Variants in PPP6R1 observed in about 807,000 individuals in gnomAD.
The protein encoded by PPP6R1 is serine/threonine-protein phosphatase 6 regulatory subunit 1.
In PPP6R1, 39 loss-of-function variants were observed where a neutral mutation model predicts 104.6. The observed-to-expected ratio is 0.37, with a 90% CI of 0.29 to 0.49. PPP6R1 has a LOEUF of 0.49. Ranked by LOEUF, PPP6R1 falls within the 20% of genes least tolerant of loss-of-function variation. The pLI, the probability that PPP6R1 is intolerant of heterozygous loss-of-function variation, is 0.98. For synonymous variants in PPP6R1, 549 were observed against 479.0 expected (o/e 1.15, Z -1.91); for missense variants, 1,181 against 1,155.8 (o/e 1.02, Z -0.32).
At chr19:55,230,983 T>C in intron 21 of PPP6R1, 99 bp from the exon 22 acceptor site, 1 of 1,038,914 alleles carries the variant, frequency 9.6e-7, no homozygotes, top group Non-Finnish European at 1.4e-6. Flanking sequence ...ACTGGGTGTG[T>C]GTCTGCCACC....
chr19:55,234,025 C>T (rs1000460725), intron 17 of PPP6R1, among the ~76,000 whole-genome samples: 1 of 152,224 alleles, frequency 6.6e-6, no homozygotes, highest in Non-Finnish European at 1.5e-5. Context: ...TCTCAGCTCA[C>T]TGCAACCTCT....
At chr19:55,246,165 C>T (rs574526381) in intron 2 of PPP6R1, among the ~76,000 whole-genome samples, 1 of 152,316 alleles carries the variant, frequency 6.6e-6, no homozygotes, top group Non-Finnish European at 1.5e-5. Flanking sequence ...CAGTCTGCTC[C>T]AGGACTGTGG....
Position 55,239,996 on chromosome 19 carries a change from C to T in PPP6R1, c.1477+3G>A, listed in dbSNP as rs2087436526. 6.2e-7 allele frequency: 1 copy of T among 1,605,200 alleles called. No individual in the cohort carries two copies. The highest frequency in any genetic ancestry group is 1.7e-5 in the Admixed American group (1 of 58,814). ...GCCCTCAGGCCGGCCTGGGGACCCT[C>T]ACCCTTCAGCAGCTGCCGCAGCTGC... On this transcript the variant is annotated splice_donor_region_variant and intron_variant, in intron 12 of 23. Coordinates refer to ENST00000412770, the MANE Select transcript of PPP6R1 (RefSeq NM_014931.4).
At chr19:55,255,498 A>C (rs2087586009) in intron 1 of PPP6R1, among the ~76,000 whole-genome samples, 8 of 151,966 alleles carry the variant, frequency 5.3e-5, no homozygotes, top group Admixed American at 5.2e-4. Flanking sequence ...GAAATACCTC[A>C]CAGATGGGGT....
In PPP6R1 at chr19:55,247,083, C is replaced by A. The variant is rs751887892; in HGVS notation, c.21G>T (p.Leu7=). ...GCGTGTCCAGGTGCGAGCTTGTGTG[C>A]AGGTCAAACTTCCAAAACATGGCGC... MFWKFD[L]HTSSHLDTLL... Residue 7 remains leucine (L), a synonymous_variant, in exon 2 of 24, where the codon CTG becomes CTT. Coordinates refer to ENST00000412770, the MANE Select transcript of PPP6R1 (RefSeq NM_014931.4). 1 of 1,613,306 alleles carries A rather than the reference C, an allele frequency of 6.2e-7. No homozygotes were observed. Among genetic ancestry groups the A allele is most frequent in the Non-Finnish European group, 8.5e-7 (1 of 1,179,714 alleles).
intron 1 of PPP6R1, among the ~76,000 whole-genome samples, chr19:55,252,899 A>C (rs1325782043): frequency 1.3e-5 from 2 of 152,132 alleles, no homozygotes; most frequent in Non-Finnish European, 2.9e-5. Flanking sequence ...GGGAAAAAAA[A>C]AAACCTGCCT....
intron 17 of PPP6R1, among the ~76,000 whole-genome samples, chr19:55,234,268 AC>A (rs1432586131): frequency 6.6e-6 from 1 of 152,236 alleles, no homozygotes; most frequent in Admixed American, 6.5e-5. Flanking sequence ...TTCAAAACTT[AC>A]TATAAAGCAA....
chr19:55,240,062 C>A lies in PPP6R1; in HGVS notation c.1414G>T (p.Gly472Cys), dbSNP rs200106211. ...TTCTCCGTGTTCTGCACCAGGGCAC[C>A]GGCCACTCTTGTCAGGTGACCCATG... ...GYMGHLTRVA[G>C]ALVQNTEKGP... The change falls in exon 12 of 24, where the codon GGT becomes TGT. Residue 472 changes from glycine to cysteine, a missense_variant. By Grantham distance (159) the Gly-to-Cys change is radical. Coordinates refer to ENST00000412770, the MANE Select transcript of PPP6R1 (RefSeq NM_014931.4). The A allele has an allele frequency of 3.9e-5, 62 of 1,602,620 alleles. No individual in the cohort carries two copies. The highest frequency in any genetic ancestry group is 5.1e-5 in the Non-Finnish European group (60 of 1,176,182).
At chr19:55,228,773 T>G (rs754363153), downstream of PPP6R1, 3 of 1,609,312 alleles carry the variant, frequency 1.9e-6, no homozygotes, top group East Asian at 6.7e-5. Flanking sequence ...CGACCTAATC[T>G]GGGAGCGAGT....
chr19:55,230,732 A>AGCCCCACCCCCACCCCCCC (rs1300876312), intron 22 of PPP6R1, 42 bp downstream of exon 22: 32 of 1,419,934 alleles, frequency 2.3e-5, no homozygotes, highest in Non-Finnish European at 2.9e-5. Context: ...CTGCCCCACC[A>AGCCCCACCCCCACCCCCCC]GCCCCACCCC....
chr19:55,240,815 T>C, intron 10 of PPP6R1, 130 bp downstream of exon 10: 3 of 1,319,394 alleles, frequency 2.3e-6, no homozygotes, highest in Non-Finnish European at 3.1e-6. Context: ...CCACACCCCA[T>C]CTGGGCGCTG....
In PPP6R1 at chr19:55,236,974, G is replaced by C. The variant is rs370897193; in HGVS notation, c.1752-4C>G. On this transcript the variant is annotated splice_region_variant and splice_polypyrimidine_tract_variant and intron_variant, in intron 15 of 23. Transcript: ENST00000412770. ...GGCTGTCTTGTCAAAAGGTGCGCTAGGAGAGAAGGCAAGGCATGGTGAGAA... is the reference window on the plus strand; with the variant it reads ...GGCTGTCTTGTCAAAAGGTGCGCTACGAGAGAAGGCAAGGCATGGTGAGAA... The C allele has an allele frequency of 3.1e-6, 5 of 1,609,476 alleles. No homozygotes were observed. In the African/African-American group the frequency reaches 4.0e-5, roughly 13 times the overall value.
chr19:55,244,381 C>A (rs1190349574), intron 5 of PPP6R1, among the ~76,000 whole-genome samples: 2 of 152,350 alleles, frequency 1.3e-5, no homozygotes, highest in South Asian at 4.1e-4. Flanking sequence ...AACACATGGA[C>A]ATGGGGTCCC....
At position 55,230,689 on chromosome 19, in the gene PPP6R1, C is replaced by T; in HGVS notation, c.2571-5G>A. 1.3e-6 allele frequency: 2 copies of T among 1,584,672 alleles called. No individual in the cohort carries two copies. ...GGAGGCGTGAGGGCCTGGGCACTGT[C>T]AGGGGAGAGAGGGGATGTGCAGAGG... On this transcript the variant is annotated splice_polypyrimidine_tract_variant and splice_region_variant and intron_variant, in intron 22 of 23. Coordinates refer to ENST00000412770, the MANE Select transcript of PPP6R1 (RefSeq NM_014931.4).
At chr19:55,228,721 C>CCCCG (rs541824664), downstream of PPP6R1, 248 of 1,613,270 alleles carry the variant, frequency 1.5e-4, no homozygotes, top group African/African-American at 2.7e-3. Flanking sequence ...TCAGGGTCTG[C>CCCCG]CCCGCTTTGC....
chr19:55,231,752 C>T, intron 19 of PPP6R1, 50 bp downstream of exon 19: 1 of 1,493,784 alleles, frequency 6.7e-7, no homozygotes, highest in Non-Finnish European at 8.9e-7. Flanking sequence ...ATGGCCACCT[C>T]CTGGCCTCGG....
Position 55,241,636 on chromosome 19 carries a change from G to A in PPP6R1, c.849C>T (p.Ser283=), listed in dbSNP as rs370628730. 26 of 1,573,750 alleles carry A rather than the reference G, an allele frequency of 1.7e-5. No homozygotes were observed. The highest frequency in any genetic ancestry group is 5.4e-5 in the African/African-American group (4 of 73,748). ...LTLLEPRRPR[S]ESVTVNSFFS... ...AGAAGCTGTTCACGGTCACGGACTC[G>A]GACCTGCAGCAGGGCAGGGTCGAAG... Residue 283 remains serine (S), a synonymous_variant, in exon 8 of 24, where the codon TCC becomes TCT. Coordinates refer to ENST00000412770, the MANE Select transcript of PPP6R1 (RefSeq NM_014931.4). This position sits in a 1 kb window ranked among gnomAD's most constrained non-coding sequence, Gnocchi z 5.4.
At position 55,240,532 on chromosome 19, in the gene PPP6R1, CACACACACACACACACACACACACAT is replaced by C; in HGVS notation, c.1297-258_1297-233del. Among the ~76,000 whole-genome samples, 2 of 151,478 alleles carry C rather than the reference CACACACACACACACACACACACACAT, an allele frequency of 1.3e-5. 1 individual carries two copies. Among genetic ancestry groups the C allele is most frequent in the East Asian group, 3.9e-4 (2 of 5,106 alleles). On this transcript the variant is annotated intron_variant, in intron 10 of 23. Coordinates refer to ENST00000412770, the MANE Select transcript of PPP6R1 (RefSeq NM_014931.4). ...TGGTGCATACACACACACACACACA[CACACACACACACACACACACACACAT>C]GCATGCACTAACGGACACACACATG...
Position 55,241,266 on chromosome 19 carries a change from C to A in PPP6R1, c.1134G>T (p.Leu378=). 1.2e-6 allele frequency: 2 copies of A among 1,607,640 alleles called. No homozygotes were observed. Among genetic ancestry groups the A allele is most frequent in the South Asian group, 1.1e-5 (1 of 90,580 alleles). The change falls in exon 9 of 24, where the codon CTG becomes CTT. Residue 378 remains leucine, a synonymous_variant. Coordinates refer to ENST00000412770, the MANE Select transcript of PPP6R1 (RefSeq NM_014931.4). The surrounding 1 kb of genome is among the most constrained non-coding windows in gnomAD (Gnocchi z 5.4). The part of the protein sequence containing the change: ...ANDAALTHEL[L]ALDVPNTMLD... ...GCATGGTGTTGGGCACGTCCAGTGC[C>A]AGGAGCTCGTGCGTCAGGGCTGCAT...
Sources: allele counts gnomAD v4.1 joint callset (sites outside exome capture counted in the v4.1 genomes callset), GRCh38; gene constraint gnomAD v4.1.1; non-coding constraint Gnocchi (gnomAD v3.1); transcripts MANE v1.5; gene names NCBI Gene and HGNC (gene_info 2026-07-23, HGNC 2026-07-21).